TMEM132E: variants seen among roughly 807,000 people sequenced by gnomAD.
TMEM132E encodes transmembrane protein 132E.
TMEM132E carries 49 observed loss-of-function variants against 78.5 expected under a neutral mutation model. The ratio of observed to expected loss-of-function variants is 0.62; its 90% CI spans 0.50 to 0.79. The LOEUF is 0.79. Among genes scored for constraint, TMEM132E ranks in the 30% least tolerant of loss-of-function variants. The probability of loss-of-function intolerance (pLI) is 0.00; values close to 1 mark genes in which losing one functional copy is unlikely to be tolerated. For missense variants in TMEM132E, 1,403 were observed against 1,470.9 expected, an observed-to-expected ratio of 0.95 and a Z score of 0.75; for synonymous variants, 715 against 670.6, an observed-to-expected ratio of 1.07 and a Z score of -1.02.
intron 1 of TMEM132E, among the ~76,000 whole-genome samples, chr17:34,586,917 C>G (rs1190342260): frequency 6.6e-6 from 1 of 152,146 alleles, no homozygotes; most frequent in Non-Finnish European, 1.5e-5. Context: ...AAACTGTAAT[C>G]CTTCCTGCTG....
At chr17:34,592,195 C>T (rs1567711317) in intron 1 of TMEM132E, among the ~76,000 whole-genome samples, 1 of 152,176 alleles carries the variant, frequency 6.6e-6, no homozygotes. Context: ...CAGCTGCTGG[C>T]CCCCACCCTT....
In TMEM132E at chr17:34,586,223, C is replaced by G. The variant is rs568218623; in HGVS notation, c.67+5080C>G. On this transcript the variant is annotated intron_variant, in intron 1 of 8. Coordinates refer to ENST00000631683, the MANE Select transcript of TMEM132E (RefSeq NM_001304438.2). ...TCCCCGTTTCCTCCCCAGGGTCTTC[C>G]TTACTTCTTCCTTGCCCATGCTCAA... Among the ~76,000 whole-genome samples, 447 of 152,250 alleles carry G rather than the reference C, an allele frequency of 2.9e-3. 2 individuals are homozygous for G. The highest frequency in any genetic ancestry group is 6.8e-3 in the Middle Eastern group (2 of 294).
chr17:34,601,264 GC>G (rs1460801477), intron 1 of TMEM132E, among the ~76,000 whole-genome samples: 1 of 152,212 alleles, frequency 6.6e-6, no homozygotes, highest in Non-Finnish European at 1.5e-5. Context: ...CCTCTGGAAA[GC>G]CCAGGAGGCA....
chr17:34,607,845 G>A (rs530850703), intron 1 of TMEM132E, among the ~76,000 whole-genome samples: 2 of 152,198 alleles, frequency 1.3e-5, no homozygotes, highest in South Asian at 2.1e-4. Context: ...AAAGGGTCCC[G>A]AGTGCAGGAG....
At chr17:34,625,658 C>G (rs1166729052) in intron 1 of TMEM132E, among the ~76,000 whole-genome samples, 1 of 152,136 alleles carries the variant, frequency 6.6e-6, no homozygotes, top group African/African-American at 2.4e-5. Context: ...GCCTGTCCCA[C>G]ACGGAGCGCA....
At chr17:34,607,687 G>A (rs1355104863) in intron 1 of TMEM132E, among the ~76,000 whole-genome samples, 12 of 152,052 alleles carry the variant, frequency 7.9e-5, no homozygotes, top group Admixed American at 7.9e-4. Flanking sequence ...GCTACGACGG[G>A]GATTCCCAGG....
At chr17:34,585,213 G>T (rs1462432387) in intron 1 of TMEM132E, among the ~76,000 whole-genome samples, 1 of 152,234 alleles carries the variant, frequency 6.6e-6, no homozygotes, top group Non-Finnish European at 1.5e-5. Flanking sequence ...AGCTTTATTG[G>T]AATCCATTCT....
At chr17:34,634,738 G>A (rs537272489) in intron 6 of TMEM132E, 61 bp from the exon 7 acceptor site, 2 of 1,532,000 alleles carry the variant, frequency 1.3e-6, no homozygotes, top group Non-Finnish European at 1.8e-6. Flanking sequence ...GGTGCGGGGT[G>A]TGTACTGTGC....
At chr17:34,631,528 C>T (rs1443235618) in intron 5 of TMEM132E, among the ~76,000 whole-genome samples, 1 of 152,228 alleles carries the variant, frequency 6.6e-6, no homozygotes, top group African/African-American at 2.4e-5. Context: ...ATACTCAGGT[C>T]TTTACGGAGT....
At chr17:34,590,548 G>C (rs1905834864) in intron 1 of TMEM132E, among the ~76,000 whole-genome samples, 1 of 152,152 alleles carries the variant, frequency 6.6e-6, no homozygotes, top group Non-Finnish European at 1.5e-5. Context: ...CAAGAATTCT[G>C]CTTCTGAAGA....
intron 1 of TMEM132E, among the ~76,000 whole-genome samples, chr17:34,605,941 A>C (rs1316681720): frequency 6.6e-6 from 1 of 152,108 alleles, no homozygotes; most frequent in African/African-American, 2.4e-5. Flanking sequence ...CATCCACTAA[A>C]CCAAGTCCCA....
intron 3 of TMEM132E, 45 bp from the exon 4 acceptor site, chr17:34,628,967 C>A: frequency 6.6e-7 from 1 of 1,512,324 alleles, no homozygotes; most frequent in South Asian, 1.3e-5. Flanking sequence ...TGGGCTGCTC[C>A]CAGCCCTTCA....
Position 34,638,204 on chromosome 17 carries a change from A to G in TMEM132E, c.3197A>G (p.Tyr1066Cys). ...ACTGCACCCCCGGACCTGCACAATT[A>G]CATGCGCAGAATCAAAGAGATTGCA... ...RPTAPPDLHN[Y>C]MRRIKEIA The change falls in exon 9 of 9, where the codon TAC becomes TGC. Residue 1066 changes from tyrosine (Y) to cysteine (C), a missense_variant. Tyr to Cys is a radical substitution (Grantham distance 194). Transcript: ENST00000631683. The G allele has an allele frequency of 6.2e-7, 1 of 1,601,128 alleles. No individual in the cohort carries two copies.
chr17:34,586,509 A>G (rs536397705), intron 1 of TMEM132E, among the ~76,000 whole-genome samples: 4 of 151,708 alleles, frequency 2.6e-5, no homozygotes, highest in Admixed American at 2.6e-4. Flanking sequence ...GAAAGGGGGG[A>G]CTGAGACAAG....
intron 5 of TMEM132E, 99 bp downstream of exon 5, chr17:34,630,250 C>T (rs911856806): frequency 6.7e-6 from 9 of 1,334,400 alleles, no homozygotes; most frequent in Admixed American, 2.2e-5. Flanking sequence ...CTTACTCATC[C>T]TCTAACACTG....
At chr17:34,629,235 G>A (rs769284596) in intron 4 of TMEM132E, 31 bp downstream of exon 4, 1 of 1,608,522 alleles carries the variant, frequency 6.2e-7, no homozygotes, top group South Asian at 1.1e-5. Context: ...CCCAGAAGAT[G>A]CCTGGGTCTA....
intron 1 of TMEM132E, among the ~76,000 whole-genome samples, chr17:34,605,723 G>T (rs1201132173): frequency 6.6e-6 from 1 of 152,168 alleles, no homozygotes; most frequent in Non-Finnish European, 1.5e-5. Context: ...TTTATTTCTC[G>T]TGAGTCGACC....
chr17:34,623,797 A>C (rs1907038656), intron 1 of TMEM132E, among the ~76,000 whole-genome samples: 1 of 152,186 alleles, frequency 6.6e-6, no homozygotes, highest in South Asian at 2.1e-4. Flanking sequence ...CAGGGTCCAA[A>C]TGTGGACCCT....
At chr17:34,626,022 T>C in intron 1 of TMEM132E, 105 bp from the exon 2 acceptor site, 4 of 1,071,536 alleles carry the variant, frequency 3.7e-6, no homozygotes, top group African/African-American at 1.7e-5. Flanking sequence ...GCTAGAGGAG[T>C]TGGCAGCCCT....
Sources: gnomAD v4.1 joint callset for allele counts (sites outside exome capture counted in the v4.1 genomes callset) on GRCh38, gnomAD v4.1.1 for gene constraint, MANE v1.5 for transcripts, NCBI Gene and HGNC (gene_info 2026-07-23, HGNC 2026-07-21) for gene names.